The following MTUS2 variants were observed in gnomAD, a reference collection of about 807,000 sequenced individuals.
MTUS2 encodes the protein microtubule-associated tumor suppressor candidate 2.
A neutral mutation model predicts 114.1 loss-of-function variants in MTUS2; 40 were observed. That is an observed-to-expected ratio of 0.35 (90% CI 0.27 to 0.46). The LOEUF is 0.46. Among genes scored for constraint, MTUS2 ranks in the 20% least tolerant of loss-of-function variants. The pLI, the probability that MTUS2 is intolerant of heterozygous loss-of-function variation, is 1.00. For synonymous variants in MTUS2, 688 were observed against 672.0 expected, an observed-to-expected ratio of 1.02 and a Z score of -0.37; for missense variants, 1,679 against 1,705.4, an observed-to-expected ratio of 0.98 and a Z score of 0.27.
At chr13:28,957,938 A>G (rs1483929996) in intron 2 of MTUS2, among the ~76,000 whole-genome samples, 1 of 152,200 alleles carries the variant, frequency 6.6e-6, no homozygotes, top group Non-Finnish European at 1.5e-5. Context: ...GATAGGAGAC[A>G]TGTGACAAAA....
chr13:29,204,033 C>T (rs1029034060), intron 5 of MTUS2, among the ~76,000 whole-genome samples: 4 of 151,822 alleles, frequency 2.6e-5, no homozygotes, highest in Non-Finnish European at 5.9e-5. Context: ...GATCTTGGCT[C>T]ATTGCAACCT....
chr13:29,218,451 G>T (rs572036737), intron 5 of MTUS2, among the ~76,000 whole-genome samples: 1 of 152,182 alleles, frequency 6.6e-6, no homozygotes, highest in South Asian at 2.1e-4. Context: ...ACTTCTTCCT[G>T]TGAATTAGAA....
chr13:28,905,696 G>C (rs2137982195), intron 2 of MTUS2, among the ~76,000 whole-genome samples: 1 of 151,654 alleles, frequency 6.6e-6, no homozygotes, highest in South Asian at 2.1e-4. Context: ...GTTCATCAAG[G>C]ATATTGGTCT....
At chr13:29,451,424 TTCTC>T (rs777744736) in intron 9 of MTUS2, among the ~76,000 whole-genome samples, 46 of 152,262 alleles carry the variant, frequency 3.0e-4, no homozygotes, top group Non-Finnish European at 5.0e-4. Context: ...GAATGCAAAA[TTCTC>T]TCTGATTAGC....
In MTUS2 at chr13:29,324,696, A is replaced by G; in HGVS notation, c.2890A>G (p.Lys964Glu). ...SPKRVAASTT[K>E]LHSPGYPKQR... ...TAAGAGAGTAGCAGCTTCAACCACCAAGCTTCATTCACCAGGTATGTAAGA... is the reference window on the plus strand; with the variant it reads ...TAAGAGAGTAGCAGCTTCAACCACCGAGCTTCATTCACCAGGTATGTAAGA... The change falls in exon 7 of 16, where the codon AAG (lysine) becomes GAG (glutamate). Residue 964 changes from lysine (K) to glutamate (E), a missense_variant. By Grantham distance (56) the Lys-to-Glu change is moderately conservative (BLOSUM62 1). Around this residue, in one of 3 missense-constraint regions of MTUS2, gnomAD observed 822 missense variants for 899.7 expected, o/e 0.91. Coordinates refer to ENST00000612955, the MANE Select transcript of MTUS2 (RefSeq NM_001033602.4). 1 of 1,598,302 alleles carries G rather than the reference A, an allele frequency of 6.3e-7. No homozygotes were observed. Among genetic ancestry groups the G allele is most frequent in the Admixed American group, 1.7e-5 (1 of 57,776 alleles).
rs189732512 is a variant in MTUS2 at position 29,015,474 on chromosome 13, G to A, written c.-242-8983G>A. On this transcript the variant is annotated intron_variant, in intron 2 of 15. Coordinates refer to ENST00000612955, the MANE Select transcript of MTUS2 (RefSeq NM_001033602.4). ...ACAGAGTACTCATTCTGTGCCAGGCGCTGCTAGGCACTGGAAAAGTACTTG... is the reference window on the plus strand; with the variant it reads ...ACAGAGTACTCATTCTGTGCCAGGCACTGCTAGGCACTGGAAAAGTACTTG... Among the ~76,000 whole-genome samples the A allele has an allele frequency of 3.0e-3, 453 of 152,232 alleles. 2 individuals are homozygous for A. Among genetic ancestry groups the A allele is most frequent in the African/African-American group, 1.0e-2 (415 of 41,530 alleles).
At chr13:29,294,923 A>G (rs1898874476) in intron 6 of MTUS2, among the ~76,000 whole-genome samples, 1 of 152,194 alleles carries the variant, frequency 6.6e-6, no homozygotes, top group South Asian at 2.1e-4. Context: ...AGCTCTCAGG[A>G]GCTGGCCAGT....
intron 1 of MTUS2, among the ~76,000 whole-genome samples, chr13:28,828,435 C>T (rs1048034389): frequency 6.6e-6 from 1 of 152,088 alleles, no homozygotes; most frequent in African/African-American, 2.4e-5. Flanking sequence ...TAAAGACAGG[C>T]ATAGGAAATC....
intron 5 of MTUS2, among the ~76,000 whole-genome samples, chr13:29,170,559 G>A (rs1893514524): frequency 6.6e-6 from 1 of 152,224 alleles, no homozygotes; most frequent in African/African-American, 2.4e-5. Flanking sequence ...AATGCTGAGT[G>A]AACTGTAAAA....
At chr13:29,355,914 G>A (rs1367772006) in intron 7 of MTUS2, among the ~76,000 whole-genome samples, 1 of 152,176 alleles carries the variant, frequency 6.6e-6, no homozygotes, top group African/African-American at 2.4e-5. Context: ...TAAGCCCTGT[G>A]TTGAAGGCCT....
At chr13:28,906,105 C>T (rs1044235848) in intron 2 of MTUS2, among the ~76,000 whole-genome samples, 1 of 151,404 alleles carries the variant, frequency 6.6e-6, no homozygotes, top group Admixed American at 6.6e-5. Context: ...GTGATATCCC[C>T]TTTATTATTT....
At chr13:29,100,394 G>C (rs1463561509) in intron 4 of MTUS2, among the ~76,000 whole-genome samples, 2 of 152,166 alleles carry the variant, frequency 1.3e-5, no homozygotes, top group Non-Finnish European at 2.9e-5. Flanking sequence ...AAAATTTAAG[G>C]TGTATCTCAA....
chr13:29,386,243 A>G (rs189949133), intron 8 of MTUS2, among the ~76,000 whole-genome samples: 143 of 152,320 alleles, frequency 9.4e-4, no homozygotes, highest in African/African-American at 3.4e-3. Flanking sequence ...CAACATCAAG[A>G]CTTTTGCAAT....
chr13:28,906,806 GA>G (rs1251193333), intron 2 of MTUS2, among the ~76,000 whole-genome samples: 1 of 151,550 alleles, frequency 6.6e-6, no homozygotes, highest in East Asian at 1.9e-4. Flanking sequence ...GGGGAGAATG[GA>G]ACCAAGTTGG....
intron 2 of MTUS2, among the ~76,000 whole-genome samples, chr13:29,012,556 C>T (rs1457905661): frequency 6.6e-6 from 1 of 152,154 alleles, no homozygotes; most frequent in African/African-American, 2.4e-5. Context: ...TAATAGGTGA[C>T]TACTTAGAAA....
rs1566173224 is a variant in MTUS2 at position 29,389,481 on chromosome 13, G to GTGTGTGTATGTGTATATGTATACACC, written c.3117+30025_3117+30026insGTATACACCTGTGTGTATGTGTATAT. Among the ~76,000 whole-genome samples, 45 of 62,692 alleles carry GTGTGTGTATGTGTATATGTATACACC rather than the reference G, an allele frequency of 7.2e-4. 7 individuals are homozygous for GTGTGTGTATGTGTATATGTATACACC. Among genetic ancestry groups the GTGTGTGTATGTGTATATGTATACACC allele is most frequent in the East Asian group, 2.3e-3 (5 of 2,182 alleles). The allele number at this position is 62,692 out of a possible 152,430, so 41.1% of individuals were successfully genotyped here. A position where few individuals can be genotyped will look rare whatever the true frequency, so the allele number is the denominator to read the frequency against. On this transcript the variant is annotated intron_variant, in intron 8 of 15. Coordinates refer to ENST00000612955, the MANE Select transcript of MTUS2 (RefSeq NM_001033602.4). ...TGTGTGTATGTGTATATGTATACAC[G>GTGTGTGTATGTGTATATGTATACACC]TGTGTGTATGTGTATATATGTATAC...
chr13:29,247,696 T>G (rs1156550278), intron 5 of MTUS2, among the ~76,000 whole-genome samples: 1 of 152,052 alleles, frequency 6.6e-6, no homozygotes, highest in African/African-American at 2.4e-5. Context: ...AAAACTACAA[T>G]GTGATACCGC....
intron 7 of MTUS2, among the ~76,000 whole-genome samples, chr13:29,354,444 A>G (rs1037964716): frequency 6.6e-6 from 1 of 152,164 alleles, no homozygotes; most frequent in Non-Finnish European, 1.5e-5. Context: ...GTAAATCACA[A>G]TAAGTTTCCT....
chr13:28,977,562 C>T (rs992816451), intron 2 of MTUS2, among the ~76,000 whole-genome samples: 5 of 152,070 alleles, frequency 3.3e-5, no homozygotes, highest in Admixed American at 2.0e-4. Context: ...AGCAATTATC[C>T]GACAAAATAG....
Sources: allele counts gnomAD v4.1 joint callset (sites outside exome capture counted in the v4.1 genomes callset), GRCh38; gene constraint gnomAD v4.1.1; regional missense constraint gnomAD v4.1.1; transcripts MANE v1.5; gene names NCBI Gene and HGNC (gene_info 2026-07-23, HGNC 2026-07-21).